The following ESRRB variants were observed in gnomAD, a reference collection of about 807,000 sequenced individuals.
ESRRB encodes the protein estrogen related receptor beta, also known as steroid hormone receptor ERR2.
ESRRB carries 16 observed loss-of-function variants against 46.0 expected under a neutral mutation model. That is an observed-to-expected ratio of 0.35 (90% CI 0.24 to 0.53). ESRRB has a LOEUF of 0.53. Ranked by LOEUF, ESRRB falls within the 20% of genes least tolerant of loss-of-function variation. The pLI is 0.93. For missense variants in ESRRB, 488 were observed against 607.4 expected (o/e 0.80, Z 2.07); for synonymous variants, 246 against 259.6 (o/e 0.95, Z 0.50).
intron 1 of ESRRB, among the ~76,000 whole-genome samples, chr14:76,383,798 C>T (rs1325889786): frequency 1.3e-5 from 2 of 152,050 alleles, no homozygotes; most frequent in Non-Finnish European, 2.9e-5. Flanking sequence ...ATTCAGCCAT[C>T]AATACCTTTA....
chr14:76,477,171 G>T (rs1230731259), intron 3 of ESRRB, among the ~76,000 whole-genome samples: 3 of 152,212 alleles, frequency 2.0e-5, no homozygotes, highest in African/African-American at 7.2e-5. Flanking sequence ...GGGTGCACAG[G>T]TCTGTGTCAC....
intron 1 of ESRRB, among the ~76,000 whole-genome samples, chr14:76,423,159 T>TG (rs1467796946): frequency 6.7e-6 from 1 of 149,308 alleles, no homozygotes; most frequent in African/African-American, 2.5e-5. Context: ...TTTTTTTTTT[T>TG]TTTTGAGAGA....
chr14:76,469,415 C>T (rs186482047), intron 3 of ESRRB, among the ~76,000 whole-genome samples: 2 of 152,276 alleles, frequency 1.3e-5, no homozygotes, highest in Admixed American at 1.3e-4. Context: ...GACTTCATTC[C>T]TATAGTATCT....
chr14:76,393,909 T>G (rs1302147556), intron 1 of ESRRB, among the ~76,000 whole-genome samples: 1 of 151,530 alleles, frequency 6.6e-6, no homozygotes, highest in Non-Finnish European at 1.5e-5. Flanking sequence ...CAAGCGAATC[T>G]CCTGCCTCAG....
At chr14:76,448,360 C>T (rs1888241693) in intron 2 of ESRRB, among the ~76,000 whole-genome samples, 2 of 150,298 alleles carry the variant, frequency 1.3e-5, no homozygotes, top group Non-Finnish European at 3.0e-5. Flanking sequence ...CCGAGTCTCC[C>T]TCTTGTTGCC....
At chr14:76,409,692 C>A (rs769763290) in intron 1 of ESRRB, among the ~76,000 whole-genome samples, 12 of 152,076 alleles carry the variant, frequency 7.9e-5, no homozygotes, top group Non-Finnish European at 1.8e-4. Flanking sequence ...GCTTGGGGAC[C>A]TCCCTGGGAG....
Position 76,491,716 on chromosome 14 carries a change from G to C in ESRRB, c.1120G>C (p.Asp374His). 1 of 1,575,416 alleles carries C rather than the reference G, an allele frequency of 6.3e-7. No individual in the cohort carries two copies. Among genetic ancestry groups the C allele is most frequent in the Non-Finnish European group, 8.6e-7 (1 of 1,161,930 alleles). ...CAAGGCCCTGGCCCTCGCCAACTCCGGTAAGGGCGGCGGCGGGGCCTGGAA... is the reference window on the plus strand; with the variant it reads ...CAAGGCCCTGGCCCTCGCCAACTCCCGTAAGGGCGGCGGCGGGGCCTGGAA... ...TLKALALANS[D>H]SMYIEDLEAV... Residue 374 changes from aspartate (D) to histidine (H), a missense_variant and splice_region_variant, in exon 6 of 7, where the codon GAT (aspartate) becomes CAT (histidine). Transcript: ENST00000644823.
intron 1 of ESRRB, among the ~76,000 whole-genome samples, chr14:76,353,912 T>C (rs2139763718): frequency 6.6e-6 from 1 of 152,132 alleles, no homozygotes; most frequent in East Asian, 1.9e-4. Flanking sequence ...CAGTCAGCTA[T>C]GGTGGAGCCA....
intron 1 of ESRRB, among the ~76,000 whole-genome samples, chr14:76,385,227 AAC>A (rs1491123058): frequency 5.4e-5 from 8 of 149,520 alleles, no homozygotes; most frequent in Admixed American, 1.3e-4. Context: ...AAAAAAAAAA[AAC>A]AACCAAACCT....
chr14:76,338,099 T>G (rs1884149298), intron 1 of ESRRB, among the ~76,000 whole-genome samples: 1 of 152,200 alleles, frequency 6.6e-6, no homozygotes, highest in South Asian at 2.1e-4. Flanking sequence ...TAAAGGAGCT[T>G]CAAGGCGACT....
intron 3 of ESRRB, among the ~76,000 whole-genome samples, chr14:76,473,970 G>A (rs1287346721): frequency 6.6e-6 from 1 of 152,230 alleles, no homozygotes; most frequent in Non-Finnish European, 1.5e-5. Flanking sequence ...CAGGCACGAG[G>A]GGCACCAGCC....
intron 1 of ESRRB, among the ~76,000 whole-genome samples, chr14:76,410,281 A>C (rs1274930601): frequency 6.6e-6 from 1 of 152,144 alleles, no homozygotes; most frequent in Non-Finnish European, 1.5e-5. Flanking sequence ...TTGAGCCATT[A>C]TATATACATT....
intron 1 of ESRRB, among the ~76,000 whole-genome samples, chr14:76,390,104 C>T (rs113947770): frequency 6.6e-6 from 1 of 152,322 alleles, no homozygotes; most frequent in Middle Eastern, 3.4e-3. Flanking sequence ...CATCCCAGCT[C>T]TGTGACCCCA....
chr14:76,331,429 A>G (rs537036929), intron 1 of ESRRB, among the ~76,000 whole-genome samples: 2 of 152,288 alleles, frequency 1.3e-5, no homozygotes, highest in East Asian at 3.9e-4. Flanking sequence ...CATGCACAGC[A>G]CAGCGCTGGC....
chr14:76,412,881 C>T (rs184329800), intron 1 of ESRRB, among the ~76,000 whole-genome samples: 4 of 152,182 alleles, frequency 2.6e-5, no homozygotes, highest in South Asian at 4.1e-4. Context: ...CTCAGGAGGC[C>T]GGGGCAGGAG....
chr14:76,411,063 C>G (rs1025646112), intron 1 of ESRRB, among the ~76,000 whole-genome samples: 1 of 151,760 alleles, frequency 6.6e-6, no homozygotes, highest in Non-Finnish European at 1.5e-5. Flanking sequence ...GGATTACAGG[C>G]AAGAGCCACC....
In ESRRB at chr14:76,439,613, C is replaced by A; in HGVS notation, c.323C>A (p.Ser108Ter). Residue 108 changes from serine to a stop codon, truncating the protein, a stop_gained, in exon 2 of 7, where the codon TCG becomes TAG. Transcript: ENST00000644823. LOFTEE classifies it high-confidence loss of function. ...EDCASGIMED[S>*]AIKCEYMLNA... ...TGTGCCAGCGGCATCATGGAGGACT[C>A]GGCCATCAAGTGCGAGTACATGCTC... 1 of 1,614,218 alleles carries A rather than the reference C, an allele frequency of 6.2e-7. No homozygotes were observed. The highest frequency in any genetic ancestry group is 8.5e-7 in the Non-Finnish European group (1 of 1,180,024).
At chr14:76,355,341 C>T (rs142783311) in intron 1 of ESRRB, among the ~76,000 whole-genome samples, 2 of 152,266 alleles carry the variant, frequency 1.3e-5, no homozygotes, top group African/African-American at 4.8e-5. Context: ...GCCCTTCTCC[C>T]TTTCACCACT....
chr14:76,422,755 A>G lies in ESRRB; in HGVS notation c.51-16586A>G, dbSNP rs375403616. Among the ~76,000 whole-genome samples the G allele has an allele frequency of 1.3e-4, 20 of 152,332 alleles. No homozygotes were observed. In the South Asian group the frequency reaches 2.9e-3, roughly 22 times the overall value. On this transcript the variant is annotated intron_variant, in intron 1 of 6. Coordinates refer to ENST00000644823, the MANE Select transcript of ESRRB (RefSeq NM_001379180.1). Reference sequence around the variant, plus strand: ...TTTGCAGATGAGGAAACCAAGTCCTAGAGAGGTCAGGCAACAGTTGCACAG... The same window carrying G: ...TTTGCAGATGAGGAAACCAAGTCCTGGAGAGGTCAGGCAACAGTTGCACAG...
Sources: gnomAD v4.1 joint callset for allele counts (sites outside exome capture counted in the v4.1 genomes callset) on GRCh38, gnomAD v4.1.1 for gene constraint, MANE v1.5 for transcripts, NCBI Gene and HGNC (gene_info 2026-07-23, HGNC 2026-07-21) for gene names.